The following PRKCQ variants were observed in gnomAD, a reference collection of about 807,000 sequenced individuals.
PRKCQ encodes protein kinase C theta.
Under a neutral mutation model 91.2 loss-of-function variants are expected in PRKCQ, and 41 were observed. The observed-to-expected ratio is 0.45, with a 90% CI of 0.35 to 0.58. PRKCQ has a LOEUF of 0.58. Among genes scored for constraint, PRKCQ ranks in the 20% least tolerant of loss-of-function variants. The pLI is 0.00. For missense variants in PRKCQ, 673 were observed against 896.5 expected, an observed-to-expected ratio of 0.75 and a Z score of 3.18; for synonymous variants, 307 against 316.9, an observed-to-expected ratio of 0.97 and a Z score of 0.33.
chr10:6,428,753 G>C (rs570556307), intron 17 of PRKCQ, among the ~76,000 whole-genome samples: 128 of 152,226 alleles, frequency 8.4e-4, no homozygotes, highest in South Asian at 3.7e-3. Context: ...GGGAGAGGGA[G>C]TGAGGGGGTG....
At chr10:6,579,563 T>G (rs549810324) in intron 1 of PRKCQ, among the ~76,000 whole-genome samples, 1 of 152,224 alleles carries the variant, frequency 6.6e-6, no homozygotes, top group African/African-American at 2.4e-5. Context: ...AGATACTTTA[T>G]TGCACAAACT....
intron 15 of PRKCQ, among the ~76,000 whole-genome samples, chr10:6,445,562 G>A (rs1834236310): frequency 6.6e-6 from 1 of 152,062 alleles, no homozygotes; most frequent in Non-Finnish European, 1.5e-5. Context: ...TTGTCTTATG[G>A]GACAACTATA....
intron 1 of PRKCQ, among the ~76,000 whole-genome samples, chr10:6,567,063 A>AGAGAAG (rs1481358299): frequency 6.6e-6 from 1 of 152,200 alleles, no homozygotes; most frequent in African/African-American, 2.4e-5. Flanking sequence ...AGAAAGAGAA[A>AGAGAAG]GAGAAGACTC....
intron 1 of PRKCQ, among the ~76,000 whole-genome samples, chr10:6,565,200 A>G (rs938615895): frequency 1.3e-5 from 2 of 152,248 alleles, no homozygotes; most frequent in African/African-American, 4.8e-5. Flanking sequence ...ATAGCACAGT[A>G]CTTGAATAAA....
intron 1 of PRKCQ, among the ~76,000 whole-genome samples, chr10:6,536,666 G>A (rs11259432): frequency 0.5 from 75,859 of 151,974 alleles, 21,393 homozygotes; most frequent in Admixed American, 0.62. Context: ...GATGAAGAGC[G>A]GTATCCAAAT....
chr10:6,524,492 A>G (rs1273613029), intron 1 of PRKCQ, among the ~76,000 whole-genome samples: 2 of 152,182 alleles, frequency 1.3e-5, no homozygotes, highest in African/African-American at 4.8e-5. Flanking sequence ...CCGTATTCCA[A>G]GCGCATGTCT....
At chr10:6,561,632 C>T (rs1287216805) in intron 1 of PRKCQ, among the ~76,000 whole-genome samples, 1 of 152,140 alleles carries the variant, frequency 6.6e-6, no homozygotes, top group Admixed American at 6.5e-5. Context: ...CACAGTATGA[C>T]AGAATAGATT....
At chr10:6,446,098 A>T (rs1218776059) in intron 15 of PRKCQ, among the ~76,000 whole-genome samples, 1 of 152,128 alleles carries the variant, frequency 6.6e-6, no homozygotes, top group Non-Finnish European at 1.5e-5. Flanking sequence ...AGGAATACTG[A>T]TATGTGTTAG....
chr10:6,415,450 ATAT>A, the PRKCQ span, among the ~76,000 whole-genome samples: 2 of 98,900 alleles, frequency 2.0e-5, no homozygotes, highest in African/African-American at 7.3e-5. Context: ...ATATATATAT[ATAT>A]ATACACTTAC....
At chr10:6,462,453 C>CTG in intron 13 of PRKCQ, 88 bp from the exon 14 acceptor site, 1 of 1,128,766 alleles carries the variant, frequency 8.9e-7, no homozygotes, top group East Asian at 2.4e-5. Flanking sequence ...TTCTGACATG[C>CTG]TGTGTATGGC....
chr10:6,415,440 AT>A, the PRKCQ span, among the ~76,000 whole-genome samples: 3 of 107,516 alleles, frequency 2.8e-5, 1 homozygote, highest in African/African-American at 1.0e-4. Context: ...ATATATATAT[AT>A]ATATATATAT....
intron 7 of PRKCQ, among the ~76,000 whole-genome samples, chr10:6,493,940 G>A (rs1837456551): frequency 6.6e-6 from 1 of 152,158 alleles, no homozygotes; most frequent in Non-Finnish European, 1.5e-5. Flanking sequence ...CTTTGTTGGA[G>A]AAAATCATAC....
intron 1 of PRKCQ, among the ~76,000 whole-genome samples, chr10:6,572,258 G>T (rs1022221307): frequency 5.4e-5 from 8 of 148,390 alleles, no homozygotes; most frequent in Admixed American, 1.4e-4. Context: ...CTGGGATACA[G>T]GTGCAGGACG....
chr10:6,578,542 G>A (rs962695216), intron 1 of PRKCQ, among the ~76,000 whole-genome samples: 1 of 152,238 alleles, frequency 6.6e-6, no homozygotes, highest in Admixed American at 6.5e-5. Flanking sequence ...AAAACTTAGA[G>A]TGGATCGCTA....
the PRKCQ span, among the ~76,000 whole-genome samples, chr10:6,412,910 C>T: frequency 6.6e-6 from 1 of 152,198 alleles, no homozygotes; most frequent in Non-Finnish European, 1.5e-5. Flanking sequence ...AGCACAATTG[C>T]TCGTGTACTC....
At chr10:6,513,167 C>G (rs1224721507) in intron 2 of PRKCQ, among the ~76,000 whole-genome samples, 1 of 152,174 alleles carries the variant, frequency 6.6e-6, no homozygotes, top group African/African-American at 2.4e-5. Flanking sequence ...CCCGCAGCCC[C>G]GTAGCCTGTT....
At chr10:6,449,989 G>C (rs1341602570) in intron 15 of PRKCQ, among the ~76,000 whole-genome samples, 2 of 151,814 alleles carry the variant, frequency 1.3e-5, no homozygotes, top group Admixed American at 6.6e-5. Flanking sequence ...ATGCCAAAAT[G>C]TAAAGACCAT....
chr10:6,478,942 T>C (rs200681867), intron 12 of PRKCQ, 50 bp downstream of exon 12: 157 of 1,598,516 alleles, frequency 9.8e-5, no homozygotes, highest in Non-Finnish European at 1.3e-4. Flanking sequence ...GAAGGTATCA[T>C]GCTGAGACAG....
chr10:6,520,612 T>C (rs1175711267), intron 1 of PRKCQ, among the ~76,000 whole-genome samples: 2 of 152,218 alleles, frequency 1.3e-5, no homozygotes, highest in African/African-American at 2.4e-5. Context: ...TTCAAGTTCC[T>C]GTTCAGTCTC....
Sources: allele counts gnomAD v4.1 joint callset (sites outside exome capture counted in the v4.1 genomes callset), GRCh38; gene constraint gnomAD v4.1.1; transcripts MANE v1.5; gene names NCBI Gene and HGNC (gene_info 2026-07-23, HGNC 2026-07-21).